Variants in MAGI1 observed in about 807,000 individuals in gnomAD.
MAGI1 encodes the protein membrane-associated guanylate kinase, WW and PDZ domain-containing protein 1.
A neutral mutation model predicts 139.9 loss-of-function variants in MAGI1; 58 were observed. That is an observed-to-expected ratio of 0.41 (90% confidence interval 0.34 to 0.52). The LOEUF (loss-of-function observed/expected upper bound fraction) is 0.52. Among genes scored for constraint, MAGI1 ranks in the 20% least tolerant of loss-of-function variants. The pLI is 0.12. For missense variants in MAGI1, 1,874 were observed against 1,901.6 expected (o/e 0.99, Z 0.27); for synonymous variants, 812 against 737.9 (o/e 1.10, Z -1.63).
rs78703534 is a variant in MAGI1 at position 65,357,312 on chromosome 3, A to C, written c.3635-180T>G. On this transcript the variant is annotated intron_variant, in intron 22 of 22. Coordinates refer to ENST00000402939, the MANE Select transcript of MAGI1 (RefSeq NM_001033057.2). Reference sequence around the variant, plus strand: ...ATAACTGCACGTAGTTAGGGTTAAAAACTAGTACTTGTGGCTTTCAGCGTC... The same window carrying C: ...ATAACTGCACGTAGTTAGGGTTAAACACTAGTACTTGTGGCTTTCAGCGTC... 6.2e-3 allele frequency among the ~76,000 whole-genome samples: 940 copies of C among 152,286 alleles called. 10 individuals are homozygous for C. Among genetic ancestry groups the C allele is most frequent in the African/African-American group, 0.022 (912 of 41,566 alleles).
chr3:65,431,506 G>C (rs965757505), intron 10 of MAGI1, among the ~76,000 whole-genome samples: 1 of 151,928 alleles, frequency 6.6e-6, no homozygotes, highest in Non-Finnish European at 1.5e-5. Flanking sequence ...TATTAAATTT[G>C]TGATATAGCC....
At chr3:65,898,010 A>G (rs1432528730) in intron 1 of MAGI1, among the ~76,000 whole-genome samples, 1 of 152,200 alleles carries the variant, frequency 6.6e-6, no homozygotes, top group Non-Finnish European at 1.5e-5. Flanking sequence ...CCTAAAATTA[A>G]CTTGCAGTCC....
intron 10 of MAGI1, 47 bp downstream of exon 10, chr3:65,437,108 G>T: frequency 1.5e-6 from 2 of 1,344,674 alleles, no homozygotes; most frequent in Non-Finnish European, 2.1e-6. Context: ...AAAAAAATTA[G>T]ATTTTGAGCT....
At chr3:65,547,517 T>G (rs2079560348) in intron 2 of MAGI1, among the ~76,000 whole-genome samples, 2 of 152,170 alleles carry the variant, frequency 1.3e-5, no homozygotes, top group Admixed American at 1.3e-4. Flanking sequence ...CTGGGTATTC[T>G]TTTTTGTCAC....
intron 12 of MAGI1, among the ~76,000 whole-genome samples, chr3:65,413,084 G>GA (rs11401254): frequency 0.7 from 106,420 of 151,350 alleles, 38,437 homozygotes; most frequent in African/African-American, 0.89. Flanking sequence ...ACATGCTGAT[G>GA]AAAAAAAATC....
chr3:65,359,275 A>G (rs1940531271), intron 22 of MAGI1: 1 of 1,510,310 alleles, frequency 6.6e-7, no homozygotes, highest in Non-Finnish European at 8.8e-7. Flanking sequence ...ACATTTGTTA[A>G]CATAGGGCAA....
intron 2 of MAGI1, among the ~76,000 whole-genome samples, chr3:65,587,031 A>G (rs1003350513): frequency 2.0e-5 from 3 of 152,150 alleles, no homozygotes; most frequent in African/African-American, 7.2e-5. Flanking sequence ...TTACCCCGAG[A>G]TCCCTAACTA....
At chr3:65,712,432 C>T (rs116438991) in intron 1 of MAGI1, among the ~76,000 whole-genome samples, 1,879 of 147,162 alleles carry the variant, frequency 0.013, 20 homozygotes, top group Non-Finnish European at 0.02. Flanking sequence ...CATCTGGCTG[C>T]AACCACGAGA....
At chr3:65,744,872 TACA>T (rs2107796380) in intron 1 of MAGI1, among the ~76,000 whole-genome samples, 1 of 152,260 alleles carries the variant, frequency 6.6e-6, no homozygotes, top group Non-Finnish European at 1.5e-5. Context: ...TAGTAACATT[TACA>T]ACATTATACA....
rs150736548 is a variant in MAGI1, at chr3:65,621,068, C to T, written c.430+904G>A. On this transcript the variant is annotated intron_variant, in intron 2 of 22. Coordinates refer to ENST00000402939, the MANE Select transcript of MAGI1 (RefSeq NM_001033057.2). ...AGCAAACAAATCATAGAAATAAACACGATACCTGGAACATTAAATTATTCT... is the reference window on the plus strand; with the variant it reads ...AGCAAACAAATCATAGAAATAAACATGATACCTGGAACATTAAATTATTCT... Among the ~76,000 whole-genome samples the T allele has an allele frequency of 1.0e-3, 152 of 151,918 alleles. 2 individuals carry two copies. The East Asian group carries it at 0.026, about 26-fold the overall frequency.
intron 1 of MAGI1, among the ~76,000 whole-genome samples, chr3:66,035,075 T>C (rs2068843636): frequency 6.6e-6 from 1 of 152,222 alleles, no homozygotes; most frequent in African/African-American, 2.4e-5. Context: ...CACATAATTA[T>C]ATATAACTTT....
At position 65,616,108 on chromosome 3, in the gene MAGI1, G is replaced by T. The variant is rs183333702; in HGVS notation, c.430+5864C>A. On this transcript the variant is annotated intron_variant, in intron 2 of 22. Transcript: ENST00000402939. Reference sequence around the variant, plus strand: ...AGTCACAAATATATGATGGACAAGGGAACCTCATACCACAATAAGAAACAT... The same window carrying T: ...AGTCACAAATATATGATGGACAAGGTAACCTCATACCACAATAAGAAACAT... 2.0e-3 allele frequency among the ~76,000 whole-genome samples: 311 copies of T among 152,298 alleles called. 1 individual carries two copies. Among genetic ancestry groups the T allele is most frequent in the Non-Finnish European group, 3.5e-3 (235 of 68,018 alleles).
chr3:66,004,640 G>A (rs924460892), intron 1 of MAGI1, among the ~76,000 whole-genome samples: 1 of 152,184 alleles, frequency 6.6e-6, no homozygotes, highest in African/African-American at 2.4e-5. Flanking sequence ...TGGAAGCACA[G>A]TCAAGTTCAC....
intron 2 of MAGI1, among the ~76,000 whole-genome samples, chr3:65,605,543 T>C (rs2082696581): frequency 6.6e-6 from 1 of 152,148 alleles, no homozygotes; most frequent in African/African-American, 2.4e-5. Context: ...AACTCAATGA[T>C]GGAGAGCCTA....
Position 65,622,031 on chromosome 3 carries a change from G to A in MAGI1, c.371C>T (p.Ser124Phe). The A allele has an allele frequency of 6.2e-7, 1 of 1,614,016 alleles. No homozygotes were observed. Among genetic ancestry groups the A allele is most frequent in the Non-Finnish European group, 8.5e-7 (1 of 1,179,962 alleles). ...HFLNQRFQKG[S>F]PDHELQQTIR... ...GGTCTGCTGGAGCTCATGATCAGGA[G>A]ACCCCTTCTGGAATCGCTGATTGAG... Residue 124 changes from serine to phenylalanine, a missense_variant, in exon 2 of 23, where the codon TCT (serine) becomes TTT (phenylalanine). Ser to Phe is a radical substitution (Grantham distance 155, BLOSUM62 -2). Coordinates refer to ENST00000402939, the MANE Select transcript of MAGI1 (RefSeq NM_001033057.2).
chr3:65,949,730 T>C (rs929041687), intron 1 of MAGI1, among the ~76,000 whole-genome samples: 8 of 152,230 alleles, frequency 5.3e-5, no homozygotes, highest in Admixed American at 3.3e-4. Context: ...GTTTTTAAAC[T>C]TTCCTATCTA....
At chr3:65,737,571 T>C (rs1417355606) in intron 1 of MAGI1, among the ~76,000 whole-genome samples, 3 of 152,136 alleles carry the variant, frequency 2.0e-5, no homozygotes, top group Non-Finnish European at 4.4e-5. Flanking sequence ...GGAGAGAGCA[T>C]TGTGGGAGCA....
intron 1 of MAGI1, among the ~76,000 whole-genome samples, chr3:65,716,413 T>C (rs1023995459): frequency 4.6e-5 from 7 of 152,178 alleles, no homozygotes; most frequent in African/African-American, 1.7e-4. Flanking sequence ...CCATCTAGGA[T>C]AGATTTATCA....
intron 1 of MAGI1, among the ~76,000 whole-genome samples, chr3:65,942,111 T>A (rs1477330593): frequency 2.6e-5 from 4 of 152,168 alleles, no homozygotes; most frequent in Non-Finnish European, 4.4e-5. Flanking sequence ...AAATGCCATT[T>A]TCCTTCCTGA....
Sources: gnomAD v4.1 joint callset for allele counts (sites outside exome capture counted in the v4.1 genomes callset) on GRCh38, gnomAD v4.1.1 for gene constraint, MANE v1.5 for transcripts, NCBI Gene and HGNC (gene_info 2026-07-23, HGNC 2026-07-21) for gene names.